The following NR2C2 variants were observed in gnomAD, a reference collection of about 807,000 sequenced individuals.
The protein encoded by NR2C2 is nuclear receptor subfamily 2 group C member 2.
NR2C2 carries 6 observed loss-of-function variants against 62.9 expected under a neutral mutation model. The observed-to-expected ratio is 0.10, with a 90% CI of 0.05 to 0.19. The LOEUF (loss-of-function observed/expected upper bound fraction) is 0.19, where lower values mean the gene tolerates loss of function less well. Among genes scored for constraint, NR2C2 ranks in the 10% least tolerant of loss-of-function variants. The probability of loss-of-function intolerance (pLI) is 1.00; values close to 1 mark genes in which losing one functional copy is unlikely to be tolerated. For synonymous variants in NR2C2, 272 were observed against 273.8 expected, an observed-to-expected ratio of 0.99 and a Z score of 0.07; for missense variants, 479 against 762.7, an observed-to-expected ratio of 0.63 and a Z score of 4.38.
At position 15,003,894 on chromosome 3, in the gene NR2C2, T is replaced by G; in HGVS notation, c.-21T>G. On this transcript the variant is annotated 5_prime_UTR_variant, in exon 2 of 14. Coordinates refer to ENST00000425241, the MANE Select transcript of NR2C2 (RefSeq NM_001291694.2). Reference sequence around the variant, plus strand: ...CCCACAGGTAACACGTACACAGACCTCTCGGCCGGAATCTCCAGGGATGAC... The same window carrying G: ...CCCACAGGTAACACGTACACAGACCGCTCGGCCGGAATCTCCAGGGATGAC... The G allele has an allele frequency of 6.2e-7, 1 of 1,613,366 alleles. No homozygotes were observed. The highest frequency in any genetic ancestry group is 8.5e-7 in the Non-Finnish European group (1 of 1,179,430).
intron 1 of NR2C2, among the ~76,000 whole-genome samples, chr3:14,973,677 A>G (rs1282739014): frequency 6.6e-6 from 1 of 152,210 alleles, no homozygotes; most frequent in Non-Finnish European, 1.5e-5. Context: ...CCATTTGTTA[A>G]AAAGACTGTC....
chr3:14,961,325 T>C (rs1227522363), intron 1 of NR2C2, among the ~76,000 whole-genome samples: 1 of 152,200 alleles, frequency 6.6e-6, no homozygotes. Flanking sequence ...TATAATACCT[T>C]AGATAGGAAC....
At chr3:14,956,729 T>G (rs904592554) in intron 1 of NR2C2, among the ~76,000 whole-genome samples, 1 of 152,106 alleles carries the variant, frequency 6.6e-6, no homozygotes, top group East Asian at 1.9e-4. Context: ...TTAGTAGAGA[T>G]AGGGTTTCTC....
At chr3:14,963,523 C>T (rs1292388073) in intron 1 of NR2C2, among the ~76,000 whole-genome samples, 37 of 152,058 alleles carry the variant, frequency 2.4e-4, no homozygotes, top group Admixed American at 2.3e-3. Context: ...GGCTGAAGTG[C>T]AGTGGCGCGA....
chr3:14,996,499 A>G (rs2040835676), intron 1 of NR2C2, among the ~76,000 whole-genome samples: 1 of 152,262 alleles, frequency 6.6e-6, no homozygotes. Flanking sequence ...CACCAGTGCC[A>G]TAAAGTAGTA....
chr3:14,974,242 T>G (rs778588601), intron 1 of NR2C2, among the ~76,000 whole-genome samples: 6 of 152,240 alleles, frequency 3.9e-5, no homozygotes, highest in Non-Finnish European at 8.8e-5. Flanking sequence ...TCAGGCTATT[T>G]GTTTGTATGT....
intron 1 of NR2C2, among the ~76,000 whole-genome samples, chr3:15,001,840 A>G (rs2041012890): frequency 6.6e-6 from 1 of 151,548 alleles, no homozygotes; most frequent in African/African-American, 2.4e-5. Context: ...CTGGTCTTAA[A>G]CTCCTGACCT....
intron 13 of NR2C2, among the ~76,000 whole-genome samples, chr3:15,039,888 C>T (rs1261939482): frequency 2.0e-5 from 3 of 152,152 alleles, no homozygotes; most frequent in South Asian, 2.1e-4. Context: ...CGGTGGCTCA[C>T]GCCTGTAATC....
intron 1 of NR2C2, among the ~76,000 whole-genome samples, chr3:15,000,975 C>T (rs1437501219): frequency 4.6e-5 from 7 of 151,532 alleles, no homozygotes; most frequent in East Asian, 2.0e-4. Flanking sequence ...TCACCACGCC[C>T]GGCTAATTTT....
intron 9 of NR2C2, among the ~76,000 whole-genome samples, chr3:15,030,877 A>G (rs1368991279): frequency 1.3e-5 from 2 of 152,186 alleles, no homozygotes; most frequent in South Asian, 2.1e-4. Flanking sequence ...CTCATCTTCA[A>G]TCTGGTATTT....
intron 9 of NR2C2, among the ~76,000 whole-genome samples, chr3:15,031,309 G>A (rs952069478): frequency 2.0e-5 from 3 of 151,906 alleles, no homozygotes; most frequent in African/African-American, 7.3e-5. Context: ...CACTCAGAGG[G>A]TACCTGAAGC....
chr3:14,975,763 G>A (rs780092093), intron 1 of NR2C2, among the ~76,000 whole-genome samples: 1 of 152,080 alleles, frequency 6.6e-6, no homozygotes, highest in Non-Finnish European at 1.5e-5. Context: ...AGTGTTTCTA[G>A]AAGAGTTTAA....
At chr3:14,971,030 G>A (rs1348318888) in intron 1 of NR2C2, among the ~76,000 whole-genome samples, 1 of 152,176 alleles carries the variant, frequency 6.6e-6, no homozygotes, top group Non-Finnish European at 1.5e-5. Flanking sequence ...ATTTTGTTCA[G>A]CTGTATGCTA....
At chr3:14,990,849 T>G (rs534624080) in intron 1 of NR2C2, among the ~76,000 whole-genome samples, 18 of 152,250 alleles carry the variant, frequency 1.2e-4, no homozygotes, top group Non-Finnish European at 2.6e-4. Flanking sequence ...ATTGTATATT[T>G]GAAGAAATTC....
Position 15,045,256 on chromosome 3 carries a change from G to A in NR2C2, c.*2248G>A, listed in dbSNP as rs945307393. 6.6e-6 allele frequency: 1 copy of A among 152,180 alleles called. No individual in the cohort carries two copies. Among genetic ancestry groups the A allele is most frequent in the African/African-American group, 2.4e-5 (1 of 41,434 alleles). The allele number at this position is 152,180 out of a possible 1,614,324, so 9.4% of individuals were successfully genotyped here. A position where few individuals can be genotyped will look rare whatever the true frequency, so the allele number is the denominator to read the frequency against. ...ATGTTGCAGTTCCCTGGGAATACAAGCATAACAGCTTTCAGATCCCAGTTC... is the reference window on the plus strand; with the variant it reads ...ATGTTGCAGTTCCCTGGGAATACAAACATAACAGCTTTCAGATCCCAGTTC... On this transcript the variant is annotated 3_prime_UTR_variant, in exon 14 of 14. Coordinates refer to ENST00000425241, the MANE Select transcript of NR2C2 (RefSeq NM_001291694.2).
At chr3:14,980,557 A>G (rs1050124901) in intron 1 of NR2C2, among the ~76,000 whole-genome samples, 2 of 149,672 alleles carry the variant, frequency 1.3e-5, no homozygotes, top group African/African-American at 4.8e-5. Flanking sequence ...CCCACTAAAA[A>G]TAAGAAAGCC....
Position 15,028,732 on chromosome 3 carries a change from G to C in NR2C2, c.932+13G>C, listed in dbSNP as rs1181308776. 1.2e-6 allele frequency: 2 copies of C among 1,612,432 alleles called. No homozygotes were observed. The highest frequency in any genetic ancestry group is 1.7e-6 in the Non-Finnish European group (2 of 1,178,732). ...GTGAGATAACTCGGTACGAGCCCATGAGGATGGAGTCTCCCCTCCTCGCCT... is the reference window on the plus strand; with the variant it reads ...GTGAGATAACTCGGTACGAGCCCATCAGGATGGAGTCTCCCCTCCTCGCCT... On this transcript the variant is annotated intron_variant, in intron 8 of 13. Coordinates refer to ENST00000425241, the MANE Select transcript of NR2C2 (RefSeq NM_001291694.2).
chr3:15,039,940 C>A (rs6442496), intron 13 of NR2C2, among the ~76,000 whole-genome samples: 54,710 of 151,046 alleles, frequency 0.36, 10,417 homozygotes, highest in African/African-American at 0.48. Context: ...CAGGAGGTCA[C>A]GAGTTCAAGA....
chr3:14,983,654 T>C (rs1032376133), intron 1 of NR2C2, among the ~76,000 whole-genome samples: 4 of 152,146 alleles, frequency 2.6e-5, no homozygotes, highest in African/African-American at 9.7e-5. Context: ...AAAATGAGAA[T>C]TATTTGGTCC....
Sources: gnomAD v4.1 joint callset for allele counts (sites outside exome capture counted in the v4.1 genomes callset) on GRCh38, gnomAD v4.1.1 for gene constraint, MANE v1.5 for transcripts, NCBI Gene and HGNC (gene_info 2026-07-23, HGNC 2026-07-21) for gene names.